DPP10: variants seen among roughly 807,000 people sequenced by gnomAD.
DPP10 encodes inactive dipeptidyl peptidase 10.
A neutral mutation model predicts 120.9 loss-of-function variants in DPP10; 33 were observed. The observed-to-expected ratio is 0.27, with a 90% confidence interval of 0.21 to 0.37. The LOEUF (loss-of-function observed/expected upper bound fraction) is 0.37, where lower values mean the gene tolerates loss of function less well. Among genes scored for constraint, DPP10 ranks in the 10% least tolerant of loss-of-function variants. The pLI, the probability that DPP10 is intolerant of heterozygous loss-of-function variation, is 1.00. For missense variants in DPP10, 816 were observed against 942.8 expected, an observed-to-expected ratio of 0.87 and a Z score of 1.76; for synonymous variants, 337 against 326.1, an observed-to-expected ratio of 1.03 and a Z score of -0.36.
intron 21 of DPP10, among the ~76,000 whole-genome samples, chr2:115,821,918 T>A (rs540814219): frequency 6.6e-6 from 1 of 152,110 alleles, no homozygotes; most frequent in South Asian, 2.1e-4. Flanking sequence ...ACATAGTAAT[T>A]CCATGTTTAC....
intron 1 of DPP10, among the ~76,000 whole-genome samples, chr2:114,564,063 T>G (rs1688989294): frequency 6.6e-6 from 1 of 152,170 alleles, no homozygotes; most frequent in Non-Finnish European, 1.5e-5. Flanking sequence ...AATCGATTCC[T>G]TTGTGCTCCA....
intron 1 of DPP10, among the ~76,000 whole-genome samples, chr2:115,046,299 A>C (rs751571123): frequency 2.0e-5 from 3 of 152,244 alleles, no homozygotes; most frequent in Non-Finnish European, 4.4e-5. Flanking sequence ...TTCTGGTTAC[A>C]AAAGAAATAA....
chr2:114,869,585 G>A (rs965222979), intron 1 of DPP10, among the ~76,000 whole-genome samples: 21 of 152,106 alleles, frequency 1.4e-4, no homozygotes, highest in African/African-American at 4.6e-4. Flanking sequence ...TATAACTTGT[G>A]GTCACAGGAA....
intron 1 of DPP10, among the ~76,000 whole-genome samples, chr2:114,618,245 A>G (rs1249111613): frequency 1.3e-5 from 2 of 152,026 alleles, no homozygotes; most frequent in African/African-American, 4.8e-5. Flanking sequence ...TTGTCATGTA[A>G]TTGTTGAAAT....
intron 1 of DPP10, among the ~76,000 whole-genome samples, chr2:115,057,217 C>T (rs1705995588): frequency 6.6e-6 from 1 of 152,174 alleles, no homozygotes. Flanking sequence ...CTTACCCTAG[C>T]AGCATATTCT....
chr2:115,310,861 C>G (rs1281501254), intron 2 of DPP10, among the ~76,000 whole-genome samples: 1 of 152,172 alleles, frequency 6.6e-6, no homozygotes, highest in East Asian at 1.9e-4. Flanking sequence ...ATGTCATAAT[C>G]CCTGTGTATT....
At chr2:115,421,798 G>A (rs1661505682) in intron 3 of DPP10, among the ~76,000 whole-genome samples, 1 of 147,642 alleles carries the variant, frequency 6.8e-6, no homozygotes, top group African/African-American at 2.5e-5. Flanking sequence ...TTGAACCCGG[G>A]AAGCAGAGGT....
chr2:115,569,866 A>T (rs77333254), intron 5 of DPP10, among the ~76,000 whole-genome samples: 12,279 of 152,300 alleles, frequency 0.081, 522 homozygotes, highest in South Asian at 0.11. Flanking sequence ...AATGTGAACT[A>T]AAACTAATTT....
chr2:114,925,026 A>G (rs1695504517), intron 1 of DPP10, among the ~76,000 whole-genome samples: 1 of 152,242 alleles, frequency 6.6e-6, no homozygotes, highest in South Asian at 2.1e-4. Context: ...CCTGGCTAAC[A>G]CGGTGAAACC....
intron 1 of DPP10, among the ~76,000 whole-genome samples, chr2:114,738,381 C>T (rs187230062): frequency 1.1e-4 from 16 of 152,300 alleles, no homozygotes; most frequent in African/African-American, 3.8e-4. Context: ...TGCACTTTAC[C>T]CATTATTCCT....
chr2:114,842,073 T>C (rs992804834), intron 1 of DPP10, among the ~76,000 whole-genome samples: 5 of 152,100 alleles, frequency 3.3e-5, no homozygotes, highest in African/African-American at 4.8e-5. Context: ...GTCTGGACCA[T>C]AGTCAAAAGC....
At chr2:115,387,245 G>A (rs2067009317) in intron 3 of DPP10, among the ~76,000 whole-genome samples, 1 of 152,178 alleles carries the variant, frequency 6.6e-6, no homozygotes, top group Non-Finnish European at 1.5e-5. Context: ...AGATGGGGGT[G>A]AGGGGGCAAG....
At chr2:115,337,522 C>G (rs975574257) in intron 2 of DPP10, among the ~76,000 whole-genome samples, 1 of 151,766 alleles carries the variant, frequency 6.6e-6, no homozygotes, top group African/African-American at 2.4e-5. Context: ...TGGTCTTTGT[C>G]AACATTGCCG....
intron 1 of DPP10, among the ~76,000 whole-genome samples, chr2:114,526,059 T>G (rs1685473124): frequency 6.6e-6 from 1 of 152,190 alleles, no homozygotes; most frequent in African/African-American, 2.4e-5. Context: ...TATCAGACAC[T>G]GAAAACAAAG....
At chr2:115,683,489 A>G (rs1442926031) in intron 5 of DPP10, among the ~76,000 whole-genome samples, 1 of 151,850 alleles carries the variant, frequency 6.6e-6, no homozygotes, top group Non-Finnish European at 1.5e-5. Flanking sequence ...AGTGTAAATT[A>G]TGGACTCTGG....
chr2:115,264,968 C>T (rs894391615), intron 1 of DPP10, among the ~76,000 whole-genome samples: 1 of 152,034 alleles, frequency 6.6e-6, no homozygotes, highest in African/African-American at 2.4e-5. Context: ...AATGTTTCAG[C>T]TTATAGGTTA....
chr2:115,286,428 T>C (rs750971823), intron 1 of DPP10, among the ~76,000 whole-genome samples: 3 of 143,494 alleles, frequency 2.1e-5, no homozygotes, highest in Non-Finnish European at 1.5e-5. Flanking sequence ...AAATATGATT[T>C]ATCTTCCTTT....
intron 3 of DPP10, among the ~76,000 whole-genome samples, chr2:115,480,783 T>C (rs2075381711): frequency 6.6e-6 from 1 of 152,136 alleles, no homozygotes; most frequent in Non-Finnish European, 1.5e-5. Context: ...TCATATCATG[T>C]TTTCTAAAAA....
intron 1 of DPP10, among the ~76,000 whole-genome samples, chr2:114,749,184 T>G (rs1221995427): frequency 6.7e-6 from 1 of 148,844 alleles, no homozygotes; most frequent in African/African-American, 2.5e-5. Flanking sequence ...ATGTGTTTTT[T>G]GGCTGCATAA....
Sources: allele counts gnomAD v4.1 joint callset (sites outside exome capture counted in the v4.1 genomes callset), GRCh38; gene constraint gnomAD v4.1.1; transcripts MANE v1.5; gene names NCBI Gene and HGNC (gene_info 2026-07-23, HGNC 2026-07-21).